Variants in UNC13A observed in about 807,000 individuals in gnomAD.
The protein encoded by UNC13A is unc-13 homolog A.
Under a neutral mutation model 219.7 loss-of-function variants are expected in UNC13A, and 61 were observed. The ratio of observed to expected loss-of-function variants is 0.28; its 90% confidence interval spans 0.23 to 0.34. The LOEUF is 0.34. Among genes scored for constraint, UNC13A ranks in the 10% least tolerant of loss-of-function variants. UNC13A has a pLI of 1.00. For synonymous variants in UNC13A, 920 were observed against 884.6 expected (o/e 1.04, Z -0.71); for missense variants, 1,476 against 2,270.3 (o/e 0.65, Z 7.11).
chr19:17,643,185 T>C (rs1222624344), intron 19 of UNC13A, among the ~76,000 whole-genome samples: 1 of 152,120 alleles, frequency 6.6e-6, no homozygotes, highest in Non-Finnish European at 1.5e-5. Flanking sequence ...CTAATTTTTA[T>C]ACTTTTAGTA....
chr19:17,616,544 G>A, intron 41 of UNC13A: 1 of 637,806 alleles, frequency 1.6e-6, no homozygotes, highest in East Asian at 3.0e-5. Flanking sequence ...GAGAGGTGAG[G>A]ATGGAGGAGT....
chr19:17,617,771 C>G lies in UNC13A; in HGVS notation c.4489G>C (p.Ala1497Pro). 6.2e-7 allele frequency: 1 copy of G among 1,613,218 alleles called. No individual in the cohort carries two copies. Among genetic ancestry groups the G allele is most frequent in the Non-Finnish European group, 8.5e-7 (1 of 1,179,518 alleles). Residue 1497 changes from alanine to proline, a missense_variant, in exon 41 of 44, where the codon GCC becomes CCC. Transcript: ENST00000519716. ...GTGGCCTGCGTGTAGAGCGACAGGG[C>G]ATAGCGCAAGGATTGCAGGTCCGGG... ...KSPDLQSLRY[A>P]LSLYTQATDL...
chr19:17,655,659 C>T (rs2079436292), intron 10 of UNC13A, among the ~76,000 whole-genome samples: 1 of 151,656 alleles, frequency 6.6e-6, no homozygotes, highest in Admixed American at 6.6e-5. Context: ...CTCTCCGACC[C>T]CAGCAACCAC....
intron 7 of UNC13A, among the ~76,000 whole-genome samples, chr19:17,666,199 T>TTC (rs1555697393): frequency 2.1e-4 from 30 of 144,172 alleles, no homozygotes; most frequent in South Asian, 6.5e-4. Flanking sequence ...CTTTCTCTCT[T>TTC]TCTTTCTCTT....
intron 11 of UNC13A, among the ~76,000 whole-genome samples, chr19:17,654,973 G>A (rs187946509): frequency 9.2e-5 from 14 of 152,300 alleles, no homozygotes; most frequent in Admixed American, 8.5e-4. Context: ...TGGTGTGGAC[G>A]GGCCATGGGG....
chr19:17,676,266 A>C, intron 1 of UNC13A: 1 of 662,896 alleles, frequency 1.5e-6, no homozygotes, highest in Non-Finnish European at 2.8e-6. Context: ...AGGAAAGAGG[A>C]GGCAGGGATG....
chr19:17,642,019 T>C (rs1445294969), intron 20 of UNC13A, among the ~76,000 whole-genome samples: 5 of 149,572 alleles, frequency 3.3e-5, no homozygotes, highest in Admixed American at 3.3e-4. Context: ...CATCCATTTG[T>C]CCATCTGCCT....
chr19:17,656,508 G>A, intron 9 of UNC13A, 110 bp from the exon 10 acceptor site: 2 of 1,145,838 alleles, frequency 1.7e-6, no homozygotes, highest in Non-Finnish European at 2.4e-6. Context: ...CGATGTGCCA[G>A]GTCCTGCTCT....
At chr19:17,650,208 A>G (rs2079317522) in intron 12 of UNC13A, among the ~76,000 whole-genome samples, 1 of 152,174 alleles carries the variant, frequency 6.6e-6, no homozygotes, top group Non-Finnish European at 1.5e-5. Context: ...AAATCTAAAT[A>G]ATATACTAAA....
At chr19:17,640,413 C>A in intron 22 of UNC13A, 98 bp downstream of exon 22, 11 of 1,395,226 alleles carry the variant, frequency 7.9e-6, no homozygotes, top group Non-Finnish European at 1.0e-5. Flanking sequence ...AGTCACACAG[C>A]AATCAGGTCT....
intron 17 of UNC13A, 109 bp from the exon 18 acceptor site, chr19:17,646,220 C>T: frequency 6.7e-7 from 1 of 1,485,054 alleles, no homozygotes; most frequent in East Asian, 2.4e-5. Flanking sequence ...TGCAGCATGG[C>T]TGGAGAGCAA....
At chr19:17,680,128 A>C (rs2079978691) in intron 1 of UNC13A, among the ~76,000 whole-genome samples, 1 of 103,460 alleles carries the variant, frequency 9.7e-6, no homozygotes, top group Non-Finnish European at 2.0e-5. Flanking sequence ...GAGGGAGGGG[A>C]TTCGGGAAGG....
rs111757587 is a variant in UNC13A, at chr19:17,617,583, A to C, written c.4558+119T>G. 418 of 1,416,994 alleles carry C rather than the reference A, an allele frequency of 2.9e-4. 3 individuals are homozygous for C. In the African/African-American group the frequency reaches 5.1e-3, roughly 17 times the overall value. The allele number at this position is 1,416,994 out of a possible 1,614,324, so 87.8% of individuals were successfully genotyped here. A position where few individuals can be genotyped will look rare whatever the true frequency, so the allele number is the denominator to read the frequency against. On this transcript the variant is annotated intron_variant, in intron 41 of 43. Transcript: ENST00000519716. ...ATTGGTCCCTGGACTTGGTGCAGAGATGTCAATTCCGCCCCATCCATGACG... is the reference window on the plus strand; with the variant it reads ...ATTGGTCCCTGGACTTGGTGCAGAGCTGTCAATTCCGCCCCATCCATGACG...
chr19:17,611,951 C>A, intron 41 of UNC13A, 96 bp from the exon 42 acceptor site: 1 of 1,072,422 alleles, frequency 9.3e-7, no homozygotes, highest in Non-Finnish European at 1.4e-6. Context: ...GTGCTGGCGG[C>A]ACCAGGTCAT....
rs1480222217 is a variant in UNC13A at position 17,603,826 on chromosome 19, G to C, written c.*2228C>G. The C allele has an allele frequency of 6.6e-6, 1 of 151,766 alleles. No individual in the cohort carries two copies. The highest frequency in any genetic ancestry group is 1.5e-5 in the Non-Finnish European group (1 of 67,972). 9.4% of individuals were successfully genotyped at this position (151,766 alleles called of 1,614,324 possible). ...TTTTTTTTTTTTGGTGGGGTAGAGG[G>C]GAGGGAATGGAGTATTGTTCTGTTG... On this transcript the variant is annotated 3_prime_UTR_variant, in exon 44 of 44. Coordinates refer to ENST00000519716, the MANE Select transcript of UNC13A (RefSeq NM_001080421.3).
chr19:17,662,178 G>T (rs1164882542), intron 8 of UNC13A, among the ~76,000 whole-genome samples: 2 of 152,010 alleles, frequency 1.3e-5, no homozygotes, highest in Admixed American at 1.3e-4. Context: ...GGAGGCAGAG[G>T]TTGCAGTGAG....
At chr19:17,673,249 C>T (rs938692140) in intron 3 of UNC13A, among the ~76,000 whole-genome samples, 27 of 150,438 alleles carry the variant, frequency 1.8e-4, no homozygotes, top group Non-Finnish European at 2.7e-4. Flanking sequence ...TCCAGCTACT[C>T]GGGAGGCTGA....
At chr19:17,610,286 T>A (rs542767265) in intron 42 of UNC13A, among the ~76,000 whole-genome samples, 187 bp from the exon 43 acceptor site, 2 of 152,154 alleles carry the variant, frequency 1.3e-5, no homozygotes, top group South Asian at 4.2e-4. Flanking sequence ...GGCAACATGG[T>A]GAAACCCTGT....
chr19:17,655,174 TG>T, intron 11 of UNC13A, 99 bp downstream of exon 11: 1 of 954,184 alleles, frequency 1.0e-6, no homozygotes, highest in Non-Finnish European at 1.6e-6. Context: ...GTGTTGGGCG[TG>T]GCCAATATAG....
Sources: gnomAD v4.1 joint callset for allele counts (sites outside exome capture counted in the v4.1 genomes callset) on GRCh38, gnomAD v4.1.1 for gene constraint, MANE v1.5 for transcripts, NCBI Gene and HGNC (gene_info 2026-07-23, HGNC 2026-07-21) for gene names.